The following VAV3 variants were observed in gnomAD, a reference collection of about 807,000 sequenced individuals.
The protein encoded by VAV3 is vav guanine nucleotide exchange factor 3, also known as guanine nucleotide exchange factor VAV3.
Under a neutral mutation model 131.2 loss-of-function variants are expected in VAV3, and 94 were observed. That is an observed-to-expected ratio of 0.72 (90% CI 0.61 to 0.85). The LOEUF is 0.85. Ranked by LOEUF, VAV3 falls within the 40% of genes least tolerant of loss-of-function variation. The pLI is 0.00. For synonymous variants in VAV3, 349 were observed against 342.0 expected (o/e 1.02, Z -0.22); for missense variants, 939 against 1,002.7 (o/e 0.94, Z 0.86).
At chr1:107,737,443 T>G (rs1468324963) in intron 15 of VAV3, among the ~76,000 whole-genome samples, 1 of 152,172 alleles carries the variant, frequency 6.6e-6, no homozygotes, top group Non-Finnish European at 1.5e-5. Context: ...AGAAAATTTT[T>G]GCAATCTACC....
intron 19 of VAV3, among the ~76,000 whole-genome samples, chr1:107,658,006 G>A (rs1656707156): frequency 2.0e-5 from 3 of 152,136 alleles, no homozygotes; most frequent in Admixed American, 1.3e-4. Context: ...ATATGAGGAT[G>A]TAAACATTTC....
intron 19 of VAV3, among the ~76,000 whole-genome samples, chr1:107,659,286 A>G (rs1414383936): frequency 6.6e-6 from 1 of 152,140 alleles, no homozygotes; most frequent in Non-Finnish European, 1.5e-5. Flanking sequence ...TCAGAAAAAA[A>G]AAAGTATAAA....
intron 21 of VAV3, 24 bp downstream of exon 21, chr1:107,617,543 G>C: frequency 6.3e-7 from 1 of 1,582,364 alleles, no homozygotes; most frequent in Admixed American, 1.7e-5. Flanking sequence ...TGAAGCAAGA[G>C]AAAATTAAGA....
At chr1:107,957,332 T>C (rs1674865116) in intron 1 of VAV3, among the ~76,000 whole-genome samples, 1 of 152,214 alleles carries the variant, frequency 6.6e-6, no homozygotes, top group Non-Finnish European at 1.5e-5. Context: ...CCTTATCTTC[T>C]GTTGAATGAC....
chr1:107,785,511 T>G (rs370044921), intron 2 of VAV3: 3 of 1,311,118 alleles, frequency 2.3e-6, no homozygotes, highest in Non-Finnish European at 3.0e-6. Flanking sequence ...GAGCCCCAAA[T>G]GCAAGACGAG....
In VAV3 at chr1:107,596,427, G is replaced by C. The variant is rs964848926; in HGVS notation, c.2221-86C>G. On this transcript the variant is annotated intron_variant, in intron 24 of 26. Transcript: ENST00000370056. ...ACTCCTGAGCACATAAATACAATAAGGATGACCAATTTAATGCTAAATTTT... is the reference window on the plus strand; with the variant it reads ...ACTCCTGAGCACATAAATACAATAACGATGACCAATTTAATGCTAAATTTT... 6 of 1,434,232 alleles carry C rather than the reference G, an allele frequency of 4.2e-6. No individual in the cohort carries two copies. In the African/African-American group the frequency reaches 7.1e-5, roughly 17 times the overall value. The allele number at this position is 1,434,232 out of a possible 1,614,324, so 88.8% of individuals were successfully genotyped here. A position where few individuals can be genotyped will look rare whatever the true frequency, so the allele number is the denominator to read the frequency against.
At chr1:107,938,317 G>A (rs754439757) in intron 1 of VAV3, among the ~76,000 whole-genome samples, 1 of 152,124 alleles carries the variant, frequency 6.6e-6, no homozygotes, top group East Asian at 1.9e-4. Flanking sequence ...GAAAGCTGAG[G>A]AGGAAGGAGC....
intron 1 of VAV3, among the ~76,000 whole-genome samples, chr1:107,884,431 T>C (rs57314791): frequency 7.3e-4 from 30 of 40,820 alleles, no homozygotes; most frequent in South Asian, 1.4e-3. Context: ...TTATTATTAT[T>C]ATTATTATTA....
intron 2 of VAV3, among the ~76,000 whole-genome samples, chr1:107,781,100 T>C (rs1570944130): frequency 1.3e-5 from 2 of 152,104 alleles, no homozygotes; most frequent in African/African-American, 4.8e-5. Context: ...ATATATATGG[T>C]TGTAGTTAGA....
At chr1:107,819,526 A>T (rs1040998207) in intron 2 of VAV3, among the ~76,000 whole-genome samples, 2 of 150,844 alleles carry the variant, frequency 1.3e-5, no homozygotes, top group Non-Finnish European at 3.0e-5. Flanking sequence ...AAAAAATTCA[A>T]AAATGATATG....
intron 19 of VAV3, among the ~76,000 whole-genome samples, chr1:107,682,973 G>A (rs867945359): frequency 2.0e-5 from 3 of 152,150 alleles, no homozygotes; most frequent in Non-Finnish European, 4.4e-5. Context: ...ACAACTGAAC[G>A]TTTTCTGCAG....
At chr1:107,764,213 T>C (rs966020272) in intron 9 of VAV3, among the ~76,000 whole-genome samples, 2 of 152,162 alleles carry the variant, frequency 1.3e-5, no homozygotes, top group African/African-American at 4.8e-5. Flanking sequence ...GTGCCACCTC[T>C]CAAACTTTCC....
chr1:107,705,130 C>G, intron 15 of VAV3, 69 bp from the exon 16 acceptor site: 1 of 1,197,994 alleles, frequency 8.3e-7, no homozygotes, highest in East Asian at 2.5e-5. Context: ...GTCATCTAAA[C>G]CCTAAATTCA....
Position 107,797,469 on chromosome 1 carries a change from T to C in VAV3, c.322-17977A>G, listed in dbSNP as rs190864006. ...GAAAAGAGAGAGGCATGTAAACAAA[T>C]CACTGCAATCAAATTTGAAGAACTA... On this transcript the variant is annotated intron_variant, in intron 2 of 26. Transcript: ENST00000370056. Among the ~76,000 whole-genome samples the C allele has an allele frequency of 1.6e-3, 251 of 152,246 alleles. 3 individuals are homozygous for C. The highest frequency in any genetic ancestry group is 5.8e-3 in the African/African-American group (239 of 41,550).
At chr1:107,766,571 G>A in intron 7 of VAV3, 21 bp from the exon 8 acceptor site, 1 of 1,593,564 alleles carries the variant, frequency 6.3e-7, no homozygotes, top group Non-Finnish European at 8.6e-7. Context: ...AAAACAATGT[G>A]AAAGGAAAGT....
Position 107,910,912 on chromosome 1 carries a change from G to A in VAV3, c.205-35895C>T, listed in dbSNP as rs1216740717. On this transcript the variant is annotated intron_variant, in intron 1 of 26. Coordinates refer to ENST00000370056, the MANE Select transcript of VAV3 (RefSeq NM_006113.5). The stretch of plus-strand genomic sequence containing the variant: ...GGAGAACCGCTTAAACCTAGGAGGC[G>A]GAAGTTGCAGTGGGCCGGTATCACA... 1.8e-4 allele frequency among the ~76,000 whole-genome samples: 28 copies of A among 152,050 alleles called. 1 individual carries two copies. The highest frequency in any genetic ancestry group is 1.8e-3 in the Admixed American group (27 of 15,270).
intron 15 of VAV3, among the ~76,000 whole-genome samples, chr1:107,713,966 G>A (rs536655383): frequency 1.5e-3 from 222 of 152,102 alleles, no homozygotes; most frequent in African/African-American, 5.2e-3. Flanking sequence ...CGTTTGTGCC[G>A]AATGTTCAAA....
intron 15 of VAV3, among the ~76,000 whole-genome samples, chr1:107,717,341 T>C (rs570120517): frequency 6.6e-6 from 1 of 152,348 alleles, no homozygotes; most frequent in Non-Finnish European, 1.5e-5. Context: ...GGGTGTCAAT[T>C]TTAGATCTTT....
At chr1:107,906,896 T>A (rs1171993237) in intron 1 of VAV3, among the ~76,000 whole-genome samples, 1 of 152,134 alleles carries the variant, frequency 6.6e-6, no homozygotes, top group Non-Finnish European at 1.5e-5. Context: ...GCTTGGAAAG[T>A]TAGAATTAAT....
Sources: allele counts gnomAD v4.1 joint callset (sites outside exome capture counted in the v4.1 genomes callset), GRCh38; gene constraint gnomAD v4.1.1; transcripts MANE v1.5; gene names NCBI Gene and HGNC (gene_info 2026-07-23, HGNC 2026-07-21).